ASIC2: variants seen among roughly 807,000 people sequenced by gnomAD.
The protein encoded by ASIC2 is acid sensing ion channel subunit 2.
Under a neutral mutation model 57.3 loss-of-function variants are expected in ASIC2, and 25 were observed. The observed-to-expected ratio is 0.44, with a 90% CI of 0.32 to 0.61. ASIC2 has a LOEUF of 0.61. Ranked by LOEUF, ASIC2 falls within the 20% of genes least tolerant of loss-of-function variation. The pLI is 0.06. For missense variants in ASIC2, 641 were observed against 738.1 expected (o/e 0.87, Z 1.52); for synonymous variants, 319 against 307.5 (o/e 1.04, Z -0.39).
chr17:33,572,770 T>C (rs962033029), intron 1 of ASIC2, among the ~76,000 whole-genome samples: 35 of 152,250 alleles, frequency 2.3e-4, no homozygotes, highest in African/African-American at 7.0e-4. Flanking sequence ...TTAGGAGATC[T>C]GCACGAAGTG....
intron 1 of ASIC2, among the ~76,000 whole-genome samples, chr17:33,973,263 G>A (rs1050316247): frequency 1.3e-5 from 2 of 152,198 alleles, no homozygotes; most frequent in Non-Finnish European, 2.9e-5. Flanking sequence ...CAGATGCTAG[G>A]AGCCAAGGAT....
At chr17:33,681,993 G>A (rs938968696) in intron 1 of ASIC2, among the ~76,000 whole-genome samples, 1 of 150,482 alleles carries the variant, frequency 6.6e-6, no homozygotes, top group Non-Finnish European at 1.5e-5. Flanking sequence ...TGTACAAGGT[G>A]ACCTTTGTAG....
At chr17:33,437,023 G>C (rs1046121650) in intron 1 of ASIC2, among the ~76,000 whole-genome samples, 1 of 148,310 alleles carries the variant, frequency 6.7e-6, no homozygotes, top group Admixed American at 6.7e-5. Flanking sequence ...CCGCTACCAC[G>C]CCCGGCTAAT....
At chr17:34,016,767 C>T (rs758717746) in intron 1 of ASIC2, among the ~76,000 whole-genome samples, 2 of 152,048 alleles carry the variant, frequency 1.3e-5, no homozygotes, top group Non-Finnish European at 2.9e-5. Flanking sequence ...CATTTTCTAC[C>T]CTCCTGCAGT....
At chr17:33,694,212 G>A (rs557719763) in intron 1 of ASIC2, among the ~76,000 whole-genome samples, 3 of 152,262 alleles carry the variant, frequency 2.0e-5, no homozygotes, top group African/African-American at 7.2e-5. Flanking sequence ...GGTTTAAAAC[G>A]TTTAAAACTT....
At chr17:33,029,778 C>T (rs1181332398) in intron 3 of ASIC2, among the ~76,000 whole-genome samples, 1 of 152,228 alleles carries the variant, frequency 6.6e-6, no homozygotes, top group East Asian at 1.9e-4. Context: ...CATTACTCTA[C>T]ATCCATGCCA....
chr17:33,166,348 G>A (rs1597612577), intron 1 of ASIC2, among the ~76,000 whole-genome samples: 1 of 152,186 alleles, frequency 6.6e-6, no homozygotes, highest in East Asian at 1.9e-4. Context: ...CTGTCAAAAA[G>A]CTCATTGTTG....
chr17:33,432,175 TTCC>T (rs1911442833), intron 1 of ASIC2, among the ~76,000 whole-genome samples: 1 of 152,164 alleles, frequency 6.6e-6, no homozygotes, highest in Admixed American at 6.5e-5. Context: ...AGACCTCCTC[TTCC>T]TCCTCCTCCA....
intron 1 of ASIC2, among the ~76,000 whole-genome samples, chr17:33,352,078 C>T (rs960668053): frequency 2.0e-5 from 3 of 152,104 alleles, no homozygotes; most frequent in Admixed American, 6.5e-5. Flanking sequence ...TCTTTGCTTC[C>T]TACTCCCTGG....
At chr17:33,434,824 G>C (rs1911551393) in intron 1 of ASIC2, among the ~76,000 whole-genome samples, 1 of 152,214 alleles carries the variant, frequency 6.6e-6, no homozygotes, top group Non-Finnish European at 1.5e-5. Context: ...GTATGCAATG[G>C]CTATCTGATT....
intron 1 of ASIC2, among the ~76,000 whole-genome samples, chr17:33,467,590 A>C (rs2141917074): frequency 6.6e-6 from 1 of 152,334 alleles, no homozygotes; most frequent in South Asian, 2.1e-4. Context: ...TTCTCTCTGA[A>C]GCCCTTGCTA....
Position 33,078,717 on chromosome 17 carries a change from C to A in ASIC2, c.987+10146G>T, listed in dbSNP as rs191272385. On this transcript the variant is annotated intron_variant, in intron 3 of 9. Transcript: ENST00000225823. Reference sequence around the variant, plus strand: ...TGCTAGGATTATAAGTATGAGCCACCACACCCAGCCAGCTATAGCCCTTAC... The same window carrying A: ...TGCTAGGATTATAAGTATGAGCCACAACACCCAGCCAGCTATAGCCCTTAC... 3.9e-4 allele frequency among the ~76,000 whole-genome samples: 59 copies of A among 152,290 alleles called. 1 individual carries two copies. The highest frequency in any genetic ancestry group is 6.2e-4 in the Non-Finnish European group (42 of 68,028).
At chr17:33,585,714 T>C (rs375864637) in intron 1 of ASIC2, among the ~76,000 whole-genome samples, 4 of 152,372 alleles carry the variant, frequency 2.6e-5, no homozygotes, top group South Asian at 4.1e-4. Flanking sequence ...TATCCTTTTT[T>C]GTTATGGCAA....
At chr17:33,659,174 C>T (rs952581513) in intron 1 of ASIC2, among the ~76,000 whole-genome samples, 1 of 152,144 alleles carries the variant, frequency 6.6e-6, no homozygotes, top group African/African-American at 2.4e-5. Flanking sequence ...GGCCACTCAG[C>T]CGGGGAATAT....
At chr17:33,922,679 G>C (rs1021580974) in intron 1 of ASIC2, among the ~76,000 whole-genome samples, 6 of 152,156 alleles carry the variant, frequency 3.9e-5, no homozygotes, top group African/African-American at 1.4e-4. Flanking sequence ...CTAGGAGATA[G>C]ATAGCAATAC....
At chr17:33,713,776 G>A (rs529237550) in intron 1 of ASIC2, among the ~76,000 whole-genome samples, 1 of 152,372 alleles carries the variant, frequency 6.6e-6, no homozygotes, top group South Asian at 2.1e-4. Flanking sequence ...CTGATCCAGG[G>A]ATTTTTAATA....
At chr17:33,804,036 C>T (rs532286129) in intron 1 of ASIC2, among the ~76,000 whole-genome samples, 5 of 152,270 alleles carry the variant, frequency 3.3e-5, no homozygotes, top group African/African-American at 1.2e-4. Context: ...AGCCTGTCTC[C>T]ATGTTCTCTC....
intron 1 of ASIC2, among the ~76,000 whole-genome samples, chr17:33,714,749 A>G (rs901761711): frequency 1.3e-5 from 2 of 151,910 alleles, no homozygotes; most frequent in Non-Finnish European, 2.9e-5. Flanking sequence ...AACCTAAAAC[A>G]AAACAACCAA....
chr17:33,067,666 G>A (rs949258055), intron 3 of ASIC2, among the ~76,000 whole-genome samples: 3 of 152,272 alleles, frequency 2.0e-5, no homozygotes, highest in African/African-American at 7.2e-5. Flanking sequence ...GCAGGTTTAG[G>A]GATGCCTGTA....
Sources: gnomAD v4.1 joint callset for allele counts (sites outside exome capture counted in the v4.1 genomes callset) on GRCh38, gnomAD v4.1.1 for gene constraint, MANE v1.5 for transcripts, NCBI Gene and HGNC (gene_info 2026-07-23, HGNC 2026-07-21) for gene names.